Variants in NIPSNAP2 observed in about 807,000 individuals in gnomAD.
The protein encoded by NIPSNAP2 is nipsnap homolog 2, also known as protein NipSnap homolog 2.
NIPSNAP2 carries 42 observed loss-of-function variants against 48.4 expected under a neutral mutation model. The observed-to-expected ratio is 0.87, with a 90% CI of 0.68 to 1.12. The LOEUF (loss-of-function observed/expected upper bound fraction) is 1.12. NIPSNAP2 is among the 50% of genes most tolerant of loss of function. NIPSNAP2 has a pLI of 0.00. For synonymous variants in NIPSNAP2, 158 were observed against 126.6 expected (o/e 1.25, Z -1.67); for missense variants, 314 against 347.3 (o/e 0.90, Z 0.76).
chr7:55,965,869 C>G (rs982723308), intron 1 of NIPSNAP2, among the ~76,000 whole-genome samples: 1 of 152,200 alleles, frequency 6.6e-6, no homozygotes, highest in African/African-American at 2.4e-5. Flanking sequence ...TCGTGAATCA[C>G]CAGGCGCGGC....
In NIPSNAP2 at chr7:55,997,354, G is replaced by A; in HGVS notation, c.713-12G>A. 1 of 1,604,446 alleles carries A rather than the reference G, an allele frequency of 6.2e-7. No individual in the cohort carries two copies. The highest frequency in any genetic ancestry group is 8.5e-7 in the Non-Finnish European group (1 of 1,171,376). ...GTTTTAAGTCTTACTTCTCTGTGTG[G>A]TTATTTTTAAGCTTACAGGGATCTT... On this transcript the variant is annotated splice_polypyrimidine_tract_variant and intron_variant, in intron 8 of 9. Coordinates refer to ENST00000322090, the MANE Select transcript of NIPSNAP2 (RefSeq NM_001483.3).
intron 7 of NIPSNAP2, among the ~76,000 whole-genome samples, chr7:55,986,241 A>G (rs1479709953): frequency 6.6e-6 from 1 of 151,504 alleles, no homozygotes. Flanking sequence ...GGTGGCACAC[A>G]CTTGTAGTCC....
chr7:55,984,734 AAG>A (rs1787291397), intron 6 of NIPSNAP2, 111 bp from the exon 7 acceptor site: 6 of 802,990 alleles, frequency 7.5e-6, no homozygotes, highest in Admixed American at 2.6e-5. Flanking sequence ...AAAAAAAAAA[AAG>A]GTTTTTTGAA....
Position 55,976,324 on chromosome 7 carries a change from C to T in NIPSNAP2, c.93-1802C>T, listed in dbSNP as rs140922713. 4.8e-3 allele frequency among the ~76,000 whole-genome samples: 724 copies of T among 152,272 alleles called. 2 individuals carry two copies. The highest frequency in any genetic ancestry group is 0.024 in the Middle Eastern group (7 of 294). On this transcript the variant is annotated intron_variant, in intron 1 of 9. Transcript: ENST00000322090. ...CTGACGGGGAGTATTTCCTAATTTACGTGACCAGTCTGCATTAATGGCTAT... is the reference window on the plus strand; with the variant it reads ...CTGACGGGGAGTATTTCCTAATTTATGTGACCAGTCTGCATTAATGGCTAT...
Position 55,978,153 on chromosome 7 carries a change from T to G in NIPSNAP2, c.120T>G (p.Ser40=), listed in dbSNP as rs764755042. The change falls in exon 2 of 10, where the codon TCT becomes TCG. Residue 40 remains serine, a synonymous_variant. Coordinates refer to ENST00000322090, the MANE Select transcript of NIPSNAP2 (RefSeq NM_001483.3). The part of the protein sequence containing the change: ...LRTWTSSSNR[S]REDSWLKSLF... ...CATGGACATCTTCCAGCAACAGATC[T>G]CGAGAAGACAGCTGGCTAAAATCCT... 4 of 1,614,178 alleles carry G rather than the reference T, an allele frequency of 2.5e-6. No individual in the cohort carries two copies. The highest frequency in any genetic ancestry group is 3.4e-6 in the Non-Finnish European group (4 of 1,180,034).
chr7:55,964,974 C>T (rs1786859585), intron 1 of NIPSNAP2: 1 of 175,342 alleles, frequency 5.7e-6, no homozygotes, highest in South Asian at 2.0e-4. Context: ...CCACATCCTC[C>T]CCGCGGCGCT....
chr7:55,980,271 T>A (rs1787186908), intron 3 of NIPSNAP2: 1 of 167,508 alleles, frequency 6.0e-6, no homozygotes, highest in African/African-American at 2.4e-5. Context: ...GTGGTCACTA[T>A]ACTGGGTCAT....
chr7:55,998,864 C>A, intron 9 of NIPSNAP2, 144 bp from the exon 10 acceptor site: 1 of 714,790 alleles, frequency 1.4e-6, no homozygotes, highest in East Asian at 2.7e-5. Context: ...TATTTCTGCC[C>A]TTGAGGTTAG....
intron 1 of NIPSNAP2, among the ~76,000 whole-genome samples, chr7:55,976,059 TG>T: frequency 6.6e-6 from 1 of 152,072 alleles, no homozygotes; most frequent in Admixed American, 6.6e-5. Flanking sequence ...TGTGTGTGTG[TG>T]TGTGTGTGTG....
intron 8 of NIPSNAP2, among the ~76,000 whole-genome samples, chr7:55,996,331 A>G (rs1787563508): frequency 6.6e-6 from 1 of 151,796 alleles, no homozygotes; most frequent in South Asian, 2.1e-4. Context: ...TGGATGAGAT[A>G]CCTGTGAATT....
chr7:55,977,501 A>G (rs968259301), intron 1 of NIPSNAP2, among the ~76,000 whole-genome samples: 1 of 152,186 alleles, frequency 6.6e-6, no homozygotes, highest in African/African-American at 2.4e-5. Flanking sequence ...GTGGTAAAAC[A>G]TATATACATA....
intron 1 of NIPSNAP2, among the ~76,000 whole-genome samples, chr7:55,973,629 C>T (rs1051201482): frequency 2.6e-5 from 4 of 151,482 alleles, no homozygotes; most frequent in African/African-American, 9.7e-5. Context: ...CGTGTGCCAC[C>T]ACACCCAGCT....
At chr7:55,986,066 TAAAAA>T in intron 7 of NIPSNAP2, among the ~76,000 whole-genome samples, 1 of 151,206 alleles carries the variant, frequency 6.6e-6, no homozygotes. Context: ...AAAATAAAAA[TAAAAA>T]TAAAGACTGG....
intron 9 of NIPSNAP2, 69 bp downstream of exon 9, chr7:55,997,518 A>G (rs1787586586): frequency 2.3e-5 from 28 of 1,230,188 alleles, no homozygotes; most frequent in South Asian, 1.5e-4. Context: ...TCACCCTGAC[A>G]CTAATAGGTG....
Position 55,985,390 on chromosome 7 carries a change from T to C in NIPSNAP2, c.617+512T>C, listed in dbSNP as rs116872810. Reference sequence around the variant, plus strand: ...GAAAAATAACAATTTTTCCACAAGTTGATATGTAGATTCAGCAGAATCCCT... The same window carrying C: ...GAAAAATAACAATTTTTCCACAAGTCGATATGTAGATTCAGCAGAATCCCT... On this transcript the variant is annotated intron_variant, in intron 7 of 9. Coordinates refer to ENST00000322090, the MANE Select transcript of NIPSNAP2 (RefSeq NM_001483.3). 4.6e-4 allele frequency among the ~76,000 whole-genome samples: 70 copies of C among 152,252 alleles called. No homozygotes were observed. In the East Asian group the frequency reaches 0.013, roughly 28 times the overall value.
In NIPSNAP2 at chr7:55,967,883, CAA is replaced by C. The variant is rs1786929868; in HGVS notation, c.92+3183_92+3184del. Among the ~76,000 whole-genome samples, 3 of 152,112 alleles carry C rather than the reference CAA, an allele frequency of 2.0e-5. No homozygotes were observed. In the South Asian group the frequency reaches 6.2e-4, roughly 32 times the overall value. The stretch of plus-strand genomic sequence containing the variant: ...CAGGCTGGTCTCAAACTCCTGGCCT[CAA>C]GTGATCCTCCCACCACGGCCTCCCA... On this transcript the variant is annotated intron_variant, in intron 1 of 9. Transcript: ENST00000322090.
chr7:55,993,033 T>C (rs1331116955), intron 7 of NIPSNAP2, among the ~76,000 whole-genome samples: 1 of 152,112 alleles, frequency 6.6e-6, no homozygotes, highest in East Asian at 1.9e-4. Context: ...GCGCAGTGGC[T>C]CACACCTGTA....
At chr7:55,971,278 C>T (rs536794724) in intron 1 of NIPSNAP2, among the ~76,000 whole-genome samples, 3 of 152,144 alleles carry the variant, frequency 2.0e-5, no homozygotes, top group Non-Finnish European at 4.4e-5. Flanking sequence ...GGGGGTAGTA[C>T]TGGCCGGCTT....
At chr7:55,997,274 G>T (rs1271377949) in intron 8 of NIPSNAP2, 92 bp from the exon 9 acceptor site, 2 of 900,650 alleles carry the variant, frequency 2.2e-6, no homozygotes, top group Non-Finnish European at 3.7e-6. Context: ...GAGAAAACTA[G>T]ATGTCCAGGT....
Sources: allele counts gnomAD v4.1 joint callset (sites outside exome capture counted in the v4.1 genomes callset), GRCh38; gene constraint gnomAD v4.1.1; transcripts MANE v1.5; gene names NCBI Gene and HGNC (gene_info 2026-07-23, HGNC 2026-07-21).